Variants in DDX10 observed in about 807,000 individuals in gnomAD.
DDX10 encodes DEAD-box helicase 10.
A neutral mutation model predicts 104.3 loss-of-function variants in DDX10; 74 were observed. That is an observed-to-expected ratio of 0.71 (90% CI 0.59 to 0.86). DDX10 has a LOEUF of 0.86. DDX10 is among the 40% of genes least tolerant of loss of function. DDX10 has a pLI of 0.00. For missense variants in DDX10, 952 were observed against 1,040.0 expected (o/e 0.92, Z 1.16); for synonymous variants, 351 against 353.4 (o/e 0.99, Z 0.08).
At chr11:108,803,728 C>A (rs551150164) in intron 13 of DDX10, among the ~76,000 whole-genome samples, 1 of 151,834 alleles carries the variant, frequency 6.6e-6, no homozygotes, top group Non-Finnish European at 1.5e-5. Flanking sequence ...ATTTTATGTC[C>A]TTTTTTTAGA....
intron 13 of DDX10, among the ~76,000 whole-genome samples, chr11:108,728,594 A>AC (rs1405597156): frequency 7.0e-6 from 1 of 142,870 alleles, no homozygotes; most frequent in Non-Finnish European, 1.5e-5. Flanking sequence ...GGCTCACTGT[A>AC]CCCCCAAACT....
At chr11:108,799,472 G>A (rs1404298916) in intron 13 of DDX10, among the ~76,000 whole-genome samples, 1 of 152,136 alleles carries the variant, frequency 6.6e-6, no homozygotes, top group African/African-American at 2.4e-5. Context: ...GTCTGCCAGG[G>A]TTCTTCATCT....
chr11:108,714,359 C>G (rs954146363), intron 10 of DDX10, among the ~76,000 whole-genome samples: 1 of 148,924 alleles, frequency 6.7e-6, no homozygotes, highest in African/African-American at 2.4e-5. Flanking sequence ...TCACCTCTCT[C>G]TTTCCTGTGT....
chr11:108,707,561 G>C (rs2094277840), intron 10 of DDX10, among the ~76,000 whole-genome samples: 2 of 152,028 alleles, frequency 1.3e-5, no homozygotes, highest in African/African-American at 4.8e-5. Context: ...TATATAACCA[G>C]CTATAGCCTG....
intron 13 of DDX10, among the ~76,000 whole-genome samples, chr11:108,794,406 C>G (rs1324502591): frequency 6.6e-6 from 1 of 152,088 alleles, no homozygotes; most frequent in Non-Finnish European, 1.5e-5. Context: ...GCACTAAAAC[C>G]TCTAATACAA....
At position 108,746,635 on chromosome 11, in the gene DDX10, G is replaced by C. The variant is rs148712392; in HGVS notation, c.1965+23173G>C. On this transcript the variant is annotated intron_variant, in intron 13 of 17. Coordinates refer to ENST00000322536, the MANE Select transcript of DDX10 (RefSeq NM_004398.4). ...TATATTTTAGAAGAACTATCAGACTGTTTTCCAAGGTGGCAGCACCATTTT... is the reference window on the plus strand; with the variant it reads ...TATATTTTAGAAGAACTATCAGACTCTTTTCCAAGGTGGCAGCACCATTTT... Among the ~76,000 whole-genome samples the C allele has an allele frequency of 1.8e-4, 28 of 152,210 alleles. No homozygotes were observed. In the East Asian group the frequency reaches 5.2e-3, roughly 28 times the overall value.
At chr11:108,938,572 A>T (rs545235749) in intron 17 of DDX10, among the ~76,000 whole-genome samples, 1 of 152,188 alleles carries the variant, frequency 6.6e-6, no homozygotes, top group Non-Finnish European at 1.5e-5. Flanking sequence ...ATTAGGGCTC[A>T]ATACTTTTTT....
chr11:108,854,302 T>G (rs552051184), intron 16 of DDX10, among the ~76,000 whole-genome samples: 1 of 152,348 alleles, frequency 6.6e-6, no homozygotes, highest in African/African-American at 2.4e-5. Flanking sequence ...TTCTGTGATA[T>G]GTAAGGAGAA....
At chr11:108,756,270 G>T (rs2094344335) in intron 13 of DDX10, among the ~76,000 whole-genome samples, 1 of 152,014 alleles carries the variant, frequency 6.6e-6, no homozygotes, top group African/African-American at 2.4e-5. Flanking sequence ...GATTGCTTAT[G>T]GTGTCCTGTA....
intron 13 of DDX10, among the ~76,000 whole-genome samples, chr11:108,815,542 A>G (rs1186119938): frequency 6.6e-6 from 1 of 152,170 alleles, no homozygotes; most frequent in Non-Finnish European, 1.5e-5. Flanking sequence ...TCAAAACCAT[A>G]TTGTTCAAGG....
intron 16 of DDX10, among the ~76,000 whole-genome samples, chr11:108,882,593 T>C (rs534364373): frequency 6.6e-6 from 1 of 152,318 alleles, no homozygotes; most frequent in African/African-American, 2.4e-5. Flanking sequence ...TCCTCTATTG[T>C]GTAGATAATA....
intron 1 of DDX10, among the ~76,000 whole-genome samples, chr11:108,666,902 C>A (rs1210167815): frequency 6.6e-6 from 1 of 152,210 alleles, no homozygotes; most frequent in African/African-American, 2.4e-5. Flanking sequence ...TCATTTTCAG[C>A]ACCACATCCT....
chr11:108,899,831 G>T (rs762141499), intron 16 of DDX10, among the ~76,000 whole-genome samples: 1 of 152,078 alleles, frequency 6.6e-6, no homozygotes, highest in African/African-American at 2.4e-5. Context: ...GTGTAGTACC[G>T]TGTCAGGTGC....
chr11:108,752,612 A>G (rs1027970480), intron 13 of DDX10, among the ~76,000 whole-genome samples: 1 of 152,090 alleles, frequency 6.6e-6, no homozygotes, highest in East Asian at 1.9e-4. Context: ...AGTTGGAACA[A>G]TTTTGTTGTT....
rs150592737 is a variant in DDX10, at chr11:108,770,928, T to C, written c.1965+47466T>C. On this transcript the variant is annotated intron_variant, in intron 13 of 17. Transcript: ENST00000322536. ...GTTTTTTTTTGTGGAGTTTCCAAAG[T>C]GTTGTCCAGAGTGGTTGTGCTAATT... is the stretch of plus-strand genomic sequence containing the variant. Among the ~76,000 whole-genome samples the C allele has an allele frequency of 2.3e-4, 35 of 152,048 alleles. No individual in the cohort carries two copies. In the East Asian group the frequency reaches 6.9e-3, roughly 30 times the overall value.
At chr11:108,709,912 T>C (rs2094281807) in intron 10 of DDX10, among the ~76,000 whole-genome samples, 1 of 152,166 alleles carries the variant, frequency 6.6e-6, no homozygotes, top group Non-Finnish European at 1.5e-5. Flanking sequence ...TGCTTAATGA[T>C]GGGAATAAGT....
At chr11:108,795,426 T>C (rs890860714) in intron 13 of DDX10, among the ~76,000 whole-genome samples, 1 of 151,962 alleles carries the variant, frequency 6.6e-6, no homozygotes, top group Non-Finnish European at 1.5e-5. Flanking sequence ...TGTGCCATGT[T>C]GGTGTGCTGC....
At chr11:108,848,233 C>G (rs146271463) in intron 15 of DDX10, among the ~76,000 whole-genome samples, 69 of 152,278 alleles carry the variant, frequency 4.5e-4, no homozygotes, top group Admixed American at 9.8e-4. Flanking sequence ...CATTGCATAG[C>G]TAGATATGTA....
intron 16 of DDX10, among the ~76,000 whole-genome samples, chr11:108,888,037 T>C (rs963987555): frequency 6.6e-6 from 1 of 152,140 alleles, no homozygotes; most frequent in Non-Finnish European, 1.5e-5. Context: ...ATTACTTGTC[T>C]GAGATAGTGT....
Sources: allele counts gnomAD v4.1 joint callset (sites outside exome capture counted in the v4.1 genomes callset), GRCh38; gene constraint gnomAD v4.1.1; transcripts MANE v1.5; gene names NCBI Gene and HGNC (gene_info 2026-07-23, HGNC 2026-07-21).